The following TEN1 variants were observed in gnomAD, a reference collection of about 807,000 sequenced individuals.
The protein encoded by TEN1 is CST complex subunit TEN1.
In TEN1, 6 loss-of-function variants were observed where a neutral mutation model predicts 9.3. The ratio of observed to expected loss-of-function variants is 0.65; its 90% CI spans 0.35 to 1.27. The LOEUF is 1.27. TEN1 is among the 50% of genes most tolerant of loss of function. TEN1 has a pLI of 0.03. For synonymous variants in TEN1, 65 were observed against 65.6 expected, an observed-to-expected ratio of 0.99 and a Z score of 0.04; for missense variants, 149 against 158.2, an observed-to-expected ratio of 0.94 and a Z score of 0.31.
Position 75,997,793 on chromosome 17 carries a change from C to T in TEN1, c.251-2348C>T, listed in dbSNP as rs187211740. Among the ~76,000 whole-genome samples the T allele has an allele frequency of 3.5e-4, 54 of 152,252 alleles. No individual in the cohort carries two copies. In the East Asian group the frequency reaches 8.5e-3, roughly 24 times the overall value. Reference sequence around the variant, plus strand: ...ACCCCTTCCTCTTCCCAGGCCTCACCCCACTGCATTCTGACTGCTTTTTAT... The same window carrying T: ...ACCCCTTCCTCTTCCCAGGCCTCACTCCACTGCATTCTGACTGCTTTTTAT... On this transcript the variant is annotated intron_variant, in intron 3 of 3. Transcript: ENST00000397640.
intron 1 of TEN1, among the ~76,000 whole-genome samples, chr17:75,983,228 C>A (rs1353756309): frequency 2.0e-5 from 3 of 151,884 alleles, no homozygotes; most frequent in Non-Finnish European, 4.4e-5. Flanking sequence ...TTACAGTGAG[C>A]CGAGATCCCG....
chr17:75,995,262 C>T (rs1248784475), intron 3 of TEN1, among the ~76,000 whole-genome samples: 1 of 151,434 alleles, frequency 6.6e-6, no homozygotes, highest in African/African-American at 2.4e-5. Flanking sequence ...TGTGGTTGCT[C>T]ACACCTGTAA....
At chr17:75,995,518 C>T (rs2066213205) in intron 3 of TEN1, among the ~76,000 whole-genome samples, 1 of 152,184 alleles carries the variant, frequency 6.6e-6, no homozygotes, top group Admixed American at 6.6e-5. Flanking sequence ...CAAATGTTTG[C>T]CTAAGAGCTA....
intron 1 of TEN1, among the ~76,000 whole-genome samples, chr17:75,982,105 GAA>G (rs1414299408): frequency 6.6e-6 from 1 of 152,044 alleles, no homozygotes; most frequent in African/African-American, 2.4e-5. Flanking sequence ...TGGCCAAAAA[GAA>G]ATTATCTGAC....
chr17:75,987,549 G>A (rs1479314123), intron 2 of TEN1, among the ~76,000 whole-genome samples: 1 of 152,178 alleles, frequency 6.6e-6, no homozygotes, highest in African/African-American at 2.4e-5. Flanking sequence ...CGTAGGGGAT[G>A]CACAAGGATG....
chr17:75,991,768 A>G (rs1310193548), intron 3 of TEN1, 145 bp downstream of exon 3: 3 of 1,101,462 alleles, frequency 2.7e-6, no homozygotes, highest in East Asian at 2.6e-5. Flanking sequence ...CACAAGTTCA[A>G]CACTCTTGAG....
intron 3 of TEN1, among the ~76,000 whole-genome samples, chr17:75,996,550 CA>C (rs1567899188): frequency 6.6e-6 from 1 of 150,770 alleles, no homozygotes; most frequent in Non-Finnish European, 1.5e-5. Context: ...ACAAAAAATG[CA>C]AAAATTAGCA....
intron 3 of TEN1, among the ~76,000 whole-genome samples, chr17:75,998,629 G>A (rs2066232152): frequency 6.6e-6 from 1 of 152,166 alleles, no homozygotes; most frequent in African/African-American, 2.4e-5. Context: ...GAAAGGGCAG[G>A]CAGAGCCTTT....
chr17:75,992,614 G>A (rs981752597), intron 3 of TEN1, among the ~76,000 whole-genome samples: 3 of 151,670 alleles, frequency 2.0e-5, no homozygotes, highest in East Asian at 1.9e-4. Context: ...CCGGGTTCAC[G>A]CCATTCTCCT....
chr17:75,988,558 C>T, intron 2 of TEN1, among the ~76,000 whole-genome samples: 1 of 91,436 alleles, frequency 1.1e-5, no homozygotes, highest in Non-Finnish European at 2.0e-5. Context: ...TGAGATCCTG[C>T]CTCAAAAAAA....
intron 1 of TEN1, 80 bp from the exon 2 acceptor site, chr17:75,986,107 A>T: frequency 8.7e-7 from 1 of 1,147,414 alleles, no homozygotes; most frequent in Non-Finnish European, 1.2e-6. Flanking sequence ...TGTTGGTCTC[A>T]TATATCTGCT....
chr17:75,999,318 G>A (rs1411521023), intron 3 of TEN1, among the ~76,000 whole-genome samples: 1 of 151,990 alleles, frequency 6.6e-6, no homozygotes, highest in African/African-American at 2.4e-5. Flanking sequence ...TCCAGCCCAA[G>A]TGACAGAGCA....
intron 1 of TEN1, among the ~76,000 whole-genome samples, chr17:75,983,950 G>A (rs1488253499): frequency 1.3e-5 from 2 of 152,150 alleles, no homozygotes; most frequent in African/African-American, 4.8e-5. Context: ...GGAGTAACTG[G>A]GGAAGTTGCC....
intron 3 of TEN1, among the ~76,000 whole-genome samples, chr17:75,996,536 C>T (rs930015749): frequency 9.9e-5 from 15 of 151,132 alleles, no homozygotes; most frequent in African/African-American, 3.7e-4. Context: ...GAAACCCCGT[C>T]TCTACAAAAA....
chr17:75,989,530 G>T (rs376831724), intron 2 of TEN1, among the ~76,000 whole-genome samples: 1 of 151,866 alleles, frequency 6.6e-6, no homozygotes, highest in African/African-American at 2.4e-5. Flanking sequence ...TCCTGTCTCA[G>T]CCTCCCAAGT....
chr17:75,993,726 GTGGCTCAC>G (rs1197264104), intron 3 of TEN1, among the ~76,000 whole-genome samples: 4 of 152,162 alleles, frequency 2.6e-5, no homozygotes, highest in African/African-American at 9.6e-5. Context: ...GCTGGGCGCC[GTGGCTCAC>G]GCCTGTAATC....
intron 2 of TEN1, among the ~76,000 whole-genome samples, chr17:75,988,512 A>C (rs2144350469): frequency 7.2e-6 from 1 of 138,126 alleles, no homozygotes; most frequent in East Asian, 2.5e-4. Flanking sequence ...CAGTGAGCCG[A>C]GACTGCACCA....
intron 3 of TEN1, among the ~76,000 whole-genome samples, chr17:75,998,195 T>C (rs1269043111): frequency 7.2e-6 from 1 of 138,910 alleles, no homozygotes; most frequent in African/African-American, 2.8e-5. Flanking sequence ...TGAGACAGAG[T>C]CTCATTCTGT....
At chr17:75,994,783 AT>A in intron 3 of TEN1, among the ~76,000 whole-genome samples, 1 of 151,934 alleles carries the variant, frequency 6.6e-6, no homozygotes, top group Non-Finnish European at 1.5e-5. Flanking sequence ...GCCTGTCTTG[AT>A]TATCTAAGTC....
Sources: allele counts gnomAD v4.1 joint callset (sites outside exome capture counted in the v4.1 genomes callset), GRCh38; gene constraint gnomAD v4.1.1; transcripts MANE v1.5; gene names NCBI Gene and HGNC (gene_info 2026-07-23, HGNC 2026-07-21).